The following GALM variants were observed in gnomAD, a reference collection of about 807,000 sequenced individuals.
The protein encoded by GALM is galactose mutarotase.
Under a neutral mutation model 37.4 loss-of-function variants are expected in GALM, and 43 were observed. The observed-to-expected ratio is 1.15, with a 90% CI of 0.90 to 1.48. GALM has a LOEUF of 1.48. Ranked by LOEUF, GALM falls within the 40% of genes most tolerant of loss-of-function variation. The pLI, the probability that GALM is intolerant of heterozygous loss-of-function variation, is 0.00. For synonymous variants in GALM, 199 were observed against 170.6 expected, an observed-to-expected ratio of 1.17 and a Z score of -1.30; for missense variants, 456 against 419.1, an observed-to-expected ratio of 1.09 and a Z score of -0.77.
chr2:38,688,919 C>T (rs1277829112), intron 3 of GALM, among the ~76,000 whole-genome samples: 1 of 152,190 alleles, frequency 6.6e-6, no homozygotes, highest in Non-Finnish European at 1.5e-5. Flanking sequence ...CTCCCGGGTT[C>T]AAGCAATTCT....
At chr2:38,679,245 C>T (rs936664154) in intron 2 of GALM, among the ~76,000 whole-genome samples, 6 of 152,174 alleles carry the variant, frequency 3.9e-5, no homozygotes, top group Admixed American at 3.3e-4. Flanking sequence ...CCTTGGCCTC[C>T]CAAAGTGCTG....
At chr2:38,673,550 T>A (rs759755077) in intron 1 of GALM, among the ~76,000 whole-genome samples, 2 of 152,186 alleles carry the variant, frequency 1.3e-5, no homozygotes, top group Non-Finnish European at 2.9e-5. Flanking sequence ...TATTATACCA[T>A]GTAGCCATCA....
intron 4 of GALM, among the ~76,000 whole-genome samples, chr2:38,719,468 C>CA (rs35387905): frequency 1.3e-4 from 18 of 140,654 alleles, no homozygotes; most frequent in African/African-American, 2.9e-4. Flanking sequence ...GACTTTGTCT[C>CA]AAAAAAAAAA....
intron 4 of GALM, among the ~76,000 whole-genome samples, chr2:38,721,135 T>A (rs1572541253): frequency 6.6e-6 from 1 of 152,184 alleles, no homozygotes; most frequent in African/African-American, 2.4e-5. Flanking sequence ...CATAATAGAA[T>A]GTGGGTGTGA....
At chr2:38,708,277 G>C (rs1185456865) in intron 4 of GALM, among the ~76,000 whole-genome samples, 2 of 151,744 alleles carry the variant, frequency 1.3e-5, no homozygotes, top group Non-Finnish European at 2.9e-5. Context: ...CTCCAGCTGG[G>C]TGACAGAGCA....
At chr2:38,708,570 C>G (rs1227874827) in intron 4 of GALM, among the ~76,000 whole-genome samples, 2 of 151,874 alleles carry the variant, frequency 1.3e-5, no homozygotes. Context: ...TGAAACCCCA[C>G]CTCTACTAAA....
intron 4 of GALM, among the ~76,000 whole-genome samples, chr2:38,706,441 G>A (rs1471112993): frequency 2.7e-5 from 4 of 149,264 alleles, no homozygotes; most frequent in African/African-American, 7.4e-5. Flanking sequence ...TTGGGAGGTC[G>A]AGGCAGGTGG....
intron 4 of GALM, among the ~76,000 whole-genome samples, chr2:38,700,460 T>C (rs939977943): frequency 3.3e-5 from 5 of 151,920 alleles, no homozygotes; most frequent in Non-Finnish European, 7.4e-5. Flanking sequence ...TCTTACTGAA[T>C]TGATCCCTTT....
chr2:38,697,274 G>C (rs530114711), intron 4 of GALM, among the ~76,000 whole-genome samples: 1 of 152,232 alleles, frequency 6.6e-6, no homozygotes, highest in Non-Finnish European at 1.5e-5. Flanking sequence ...GCAGGTGCTT[G>C]ATGTGACAAA....
Position 38,730,517 on chromosome 2 carries a change from G to A in GALM, c.776+820G>A, listed in dbSNP as rs142020025. Among the ~76,000 whole-genome samples the A allele has an allele frequency of 7.1e-3, 1,077 of 152,148 alleles. 6 individuals are homozygous for A. Among genetic ancestry groups the A allele is most frequent in the African/African-American group, 0.024 (993 of 41,506 alleles). ...CCTGACCTTGTAATCCACCCACCTC[G>A]GCCTCCCAAAGTGCTGGGATTACAG... On this transcript the variant is annotated intron_variant, in intron 5 of 6. Transcript: ENST00000272252.
intron 4 of GALM, among the ~76,000 whole-genome samples, chr2:38,697,253 G>A (rs534765373): frequency 3.9e-5 from 6 of 152,266 alleles, no homozygotes; most frequent in Admixed American, 1.3e-4. Flanking sequence ...CGGATTGTGC[G>A]TGGGTTTGTC....
At chr2:38,674,466 G>C (rs1437793871) in intron 1 of GALM, among the ~76,000 whole-genome samples, 1 of 152,120 alleles carries the variant, frequency 6.6e-6, no homozygotes, top group Non-Finnish European at 1.5e-5. Context: ...GGGATTACAG[G>C]CGTGAGCCAC....
intron 4 of GALM, among the ~76,000 whole-genome samples, chr2:38,716,077 T>C (rs1038537148): frequency 6.6e-6 from 1 of 152,222 alleles, no homozygotes; most frequent in African/African-American, 2.4e-5. Context: ...GTGGTAACAG[T>C]GATTGGTAAT....
At chr2:38,730,346 A>C (rs1212544389) in intron 5 of GALM, among the ~76,000 whole-genome samples, 1 of 152,292 alleles carries the variant, frequency 6.6e-6, no homozygotes, top group East Asian at 1.9e-4. Context: ...GGTTTACTGC[A>C]ACCTCCGCCT....
intron 3 of GALM, chr2:38,682,187 G>A (rs149456000): frequency 3.8e-5 from 15 of 395,824 alleles, no homozygotes; most frequent in Middle Eastern, 3.5e-4. Context: ...GTGTAGAGCT[G>A]CTGACAACCC....
At position 38,733,579 on chromosome 2, in the gene GALM, T is replaced by G; in HGVS notation, c.*14T>G. The G allele has an allele frequency of 6.2e-7, 1 of 1,600,584 alleles. No individual in the cohort carries two copies. Among genetic ancestry groups the G allele is most frequent in the African/African-American group, 1.3e-5 (1 of 74,760 alleles). On this transcript the variant is annotated 3_prime_UTR_variant, in exon 7 of 7. Transcript: ENST00000272252. ...TCTGTGGCTTAAGGAAGTGTGAAGA[T>G]ATGATCCAGTCCAGGGCTAGGCTCA...
chr2:38,707,497 C>G (rs1205678140), intron 4 of GALM, among the ~76,000 whole-genome samples: 2 of 152,106 alleles, frequency 1.3e-5, no homozygotes. Context: ...TGTCAATACT[C>G]CAGGGAGTCA....
At chr2:38,692,490 A>T (rs1384385670) in intron 4 of GALM, among the ~76,000 whole-genome samples, 2 of 152,140 alleles carry the variant, frequency 1.3e-5, no homozygotes, top group Non-Finnish European at 2.9e-5. Context: ...GGCTCAAGCA[A>T]TCCTCCCACC....
At chr2:38,675,557 G>T (rs1374288389) in intron 1 of GALM, among the ~76,000 whole-genome samples, 45 of 92,838 alleles carry the variant, frequency 4.8e-4, no homozygotes, top group African/African-American at 2.5e-3. Context: ...GTGTGTGTGT[G>T]TGTGTGTGTG....
Sources: allele counts gnomAD v4.1 joint callset (sites outside exome capture counted in the v4.1 genomes callset), GRCh38; gene constraint gnomAD v4.1.1; transcripts MANE v1.5; gene names NCBI Gene and HGNC (gene_info 2026-07-23, HGNC 2026-07-21).